The following ENTPD3 variants were observed in gnomAD, a reference collection of about 807,000 sequenced individuals.
The protein encoded by ENTPD3 is ectonucleoside triphosphate diphosphohydrolase 3, also known as CD39 antigen-like 3.
Under a neutral mutation model 51.2 loss-of-function variants are expected in ENTPD3, and 60 were observed. The ratio of observed to expected loss-of-function variants is 1.17; its 90% CI spans 0.95 to 1.45. The LOEUF (loss-of-function observed/expected upper bound fraction) is 1.45. Among genes scored for constraint, ENTPD3 ranks in the 40% most tolerant of loss-of-function variants. The probability of loss-of-function intolerance (pLI) is 0.00; values close to 1 mark genes in which losing one functional copy is unlikely to be tolerated. For missense variants in ENTPD3, 593 were observed against 641.1 expected (o/e 0.93, Z 0.81); for synonymous variants, 221 against 238.4 (o/e 0.93, Z 0.67).
chr3:40,412,386 T>C (rs574656133), intron 5 of ENTPD3, among the ~76,000 whole-genome samples: 195 of 152,320 alleles, frequency 1.3e-3, no homozygotes, highest in Non-Finnish European at 2.1e-3. Context: ...TTTAAAACAA[T>C]GGCATGTCTG....
At chr3:40,397,121 T>TTTTTTTTC in intron 3 of ENTPD3, among the ~76,000 whole-genome samples, 1 of 124,300 alleles carries the variant, frequency 8.0e-6, no homozygotes, top group Non-Finnish European at 1.5e-5. Context: ...ATTAGTTTCT[T>TTTTTTTTC]TTTTTTTTTT....
intron 3 of ENTPD3, 23 bp from the exon 4 acceptor site, chr3:40,400,871 T>C: frequency 6.3e-7 from 1 of 1,595,708 alleles, no homozygotes; most frequent in Non-Finnish European, 8.6e-7. Flanking sequence ...CCATTCTGAC[T>C]CTCCCTTTCC....
Position 40,408,977 on chromosome 3 carries a change from G to C in ENTPD3, c.287-2835G>C, listed in dbSNP as rs905149813. 4.6e-5 allele frequency among the ~76,000 whole-genome samples: 7 copies of C among 152,056 alleles called. 1 individual carries two copies. The highest frequency in any genetic ancestry group is 2.0e-4 in the Admixed American group (3 of 15,278). On this transcript the variant is annotated intron_variant, in intron 4 of 10. Transcript: ENST00000301825. ...TTTATATTAAAAATTATTCATACAGGCTGGGTGCAGTGGCTCACTCCTGTA... is the reference window on the plus strand; with the variant it reads ...TTTATATTAAAAATTATTCATACAGCCTGGGTGCAGTGGCTCACTCCTGTA...
At chr3:40,398,054 T>C (rs1955251049) in intron 3 of ENTPD3, among the ~76,000 whole-genome samples, 1 of 152,042 alleles carries the variant, frequency 6.6e-6, no homozygotes, top group Non-Finnish European at 1.5e-5. Flanking sequence ...CTTTTGAAAA[T>C]GTCAGTGAAT....
chr3:40,397,935 C>T (rs561681978), intron 3 of ENTPD3, among the ~76,000 whole-genome samples: 177 of 152,300 alleles, frequency 1.2e-3, no homozygotes, highest in Middle Eastern at 3.4e-3. Flanking sequence ...CATCACCTTG[C>T]CAGCTGAACT....
chr3:40,388,623 C>CACACA (rs1476202753), intron 2 of ENTPD3, among the ~76,000 whole-genome samples: 1 of 146,398 alleles, frequency 6.8e-6, no homozygotes, highest in Non-Finnish European at 1.5e-5. Context: ...CACACACACA[C>CACACA]ACTTCTAAGC....
At chr3:40,398,946 C>T (rs1055049448) in intron 3 of ENTPD3, among the ~76,000 whole-genome samples, 1 of 152,098 alleles carries the variant, frequency 6.6e-6, no homozygotes, top group Non-Finnish European at 1.5e-5. Flanking sequence ...TGGCCAGATG[C>T]GGTAGCTCAT....
intron 5 of ENTPD3, among the ~76,000 whole-genome samples, chr3:40,413,210 C>T (rs1363935788): frequency 6.6e-6 from 1 of 152,168 alleles, no homozygotes; most frequent in African/African-American, 2.4e-5. Context: ...ATGCTTAGAG[C>T]TTAGTTTGTG....
chr3:40,423,698 T>C (rs890152452), intron 9 of ENTPD3, 128 bp from the exon 10 acceptor site: 3 of 1,030,498 alleles, frequency 2.9e-6, no homozygotes, highest in Non-Finnish European at 4.2e-6. Flanking sequence ...TATATGATTG[T>C]ATTATAAAGT....
At chr3:40,411,681 C>A in intron 4 of ENTPD3, 131 bp from the exon 5 acceptor site, 1 of 770,586 alleles carries the variant, frequency 1.3e-6, no homozygotes, top group Non-Finnish European at 2.0e-6. Context: ...CGGGACTTAC[C>A]ACATCCAGCT....
At chr3:40,421,024 A>AT (rs1178990263) in intron 7 of ENTPD3, among the ~76,000 whole-genome samples, 1 of 144,414 alleles carries the variant, frequency 6.9e-6, no homozygotes, top group African/African-American at 2.9e-5. Flanking sequence ...AATTAATTTA[A>AT]ATTTTTTTTT....
At chr3:40,388,572 GCACACACACACAGACACACACACACA>G (rs1277370270) in intron 2 of ENTPD3, among the ~76,000 whole-genome samples, 2 of 94,038 alleles carry the variant, frequency 2.1e-5, no homozygotes, top group Non-Finnish European at 4.6e-5. Flanking sequence ...ACACTGGAAG[GCACACACACACAGACACACACACACA>G]CACACACACA....
Position 40,427,436 on chromosome 3 carries a change from A to T in ENTPD3, c.1518A>T (p.Ala506=), listed in dbSNP as rs767526824. The T allele has an allele frequency of 6.8e-6, 11 of 1,614,030 alleles. No homozygotes were observed. Among genetic ancestry groups the T allele is most frequent in the Non-Finnish European group, 9.3e-6 (11 of 1,180,040 alleles). Residue 506 remains alanine, a synonymous_variant, in exon 11 of 11, where the codon GCA becomes GCT. Coordinates refer to ENST00000301825, the MANE Select transcript of ENTPD3 (RefSeq NM_001248.4). ...AAALLCLAFL[A]YLCSATRRKR... The stretch of plus-strand genomic sequence containing the variant: ...CCTTGCTGTGTCTGGCATTTCTTGC[A>T]TACCTGTGTTCAGCAACCAGAAGAA...
intron 7 of ENTPD3, among the ~76,000 whole-genome samples, chr3:40,422,263 T>TGGAG (rs3064617): frequency 0.26 from 39,059 of 150,720 alleles, 5,883 homozygotes; most frequent in East Asian, 0.48. Context: ...AGGGTAGTGA[T>TGGAG]AGAATTTGCA....
intron 9 of ENTPD3, among the ~76,000 whole-genome samples, 200 bp downstream of exon 9, chr3:40,423,601 T>G (rs1955925303): frequency 6.6e-6 from 1 of 152,242 alleles, no homozygotes; most frequent in Non-Finnish European, 1.5e-5. Context: ...TAGAACAATA[T>G]TTGGCATATA....
intron 7 of ENTPD3, among the ~76,000 whole-genome samples, chr3:40,421,019 A>T (rs13066971): frequency 0.54 from 79,694 of 148,386 alleles, 23,935 homozygotes; most frequent in Non-Finnish European, 0.69. Context: ...TAATTAATTA[A>T]TTTAAATTTT....
chr3:40,424,266 C>A (rs1955941759), intron 10 of ENTPD3: 1 of 561,100 alleles, frequency 1.8e-6, no homozygotes. Flanking sequence ...GGAATAGAGC[C>A]TAGAAGGTAC....
At chr3:40,413,546 A>AAAAC (rs537277633) in intron 5 of ENTPD3, among the ~76,000 whole-genome samples, 2 of 152,212 alleles carry the variant, frequency 1.3e-5, no homozygotes, top group East Asian at 1.9e-4. Context: ...AAACAAAAAC[A>AAAAC]AAACAAACAA....
intron 4 of ENTPD3, among the ~76,000 whole-genome samples, chr3:40,403,997 T>C (rs1388100082): frequency 6.6e-6 from 1 of 152,188 alleles, no homozygotes; most frequent in African/African-American, 2.4e-5. Context: ...TGCAGGCAGC[T>C]GTAGCCTTGC....
Sources: gnomAD v4.1 joint callset for allele counts (sites outside exome capture counted in the v4.1 genomes callset) on GRCh38, gnomAD v4.1.1 for gene constraint, MANE v1.5 for transcripts, NCBI Gene and HGNC (gene_info 2026-07-23, HGNC 2026-07-21) for gene names.